The following NBEA variants were observed in gnomAD, a reference collection of about 807,000 sequenced individuals.
NBEA encodes neurobeachin, also known as lysosomal-trafficking regulator 2.
NBEA carries 44 observed loss-of-function variants against 343.4 expected under a neutral mutation model. The observed-to-expected ratio is 0.13, with a 90% CI of 0.10 to 0.16. NBEA has a LOEUF of 0.16. NBEA is among the 10% of genes least tolerant of loss of function. NBEA has a pLI of 1.00. For missense variants in NBEA, 2,555 were observed against 3,631.3 expected (o/e 0.70, Z 7.62); for synonymous variants, 1,175 against 1,238.7 (o/e 0.95, Z 1.08).
intron 56 of NBEA, among the ~76,000 whole-genome samples, chr13:35,665,420 T>C (rs560308056): frequency 5.3e-4 from 80 of 152,212 alleles, no homozygotes; most frequent in African/African-American, 1.9e-3. Context: ...ACTGATAAAT[T>C]ACAGTGTATT....
chr13:35,543,356 A>G (rs2078917979), intron 41 of NBEA, among the ~76,000 whole-genome samples: 1 of 152,194 alleles, frequency 6.6e-6, no homozygotes. Flanking sequence ...AAGTTGTATT[A>G]TAGACAGTGT....
At chr13:35,549,258 A>G (rs1167373935) in intron 41 of NBEA, among the ~76,000 whole-genome samples, 1 of 152,240 alleles carries the variant, frequency 6.6e-6, no homozygotes, top group Non-Finnish European at 1.5e-5. Context: ...TATTTTATGT[A>G]TATTTCCTAG....
chr13:35,436,738 A>C (rs2045465499), intron 39 of NBEA, among the ~76,000 whole-genome samples: 1 of 152,086 alleles, frequency 6.6e-6, no homozygotes, highest in Non-Finnish European at 1.5e-5. Flanking sequence ...TCTGCTTTGA[A>C]AGTTAAGTGC....
chr13:35,631,034 C>G (rs1378308249), intron 49 of NBEA, among the ~76,000 whole-genome samples: 1 of 152,186 alleles, frequency 6.6e-6, no homozygotes, highest in African/African-American at 2.4e-5. Flanking sequence ...CAGTTCTGCA[C>G]TAACATTTAA....
At chr13:35,646,455 T>A in intron 51 of NBEA, 107 bp downstream of exon 51, 1 of 804,624 alleles carries the variant, frequency 1.2e-6, no homozygotes, top group Non-Finnish European at 2.0e-6. Flanking sequence ...CTTCTCGATT[T>A]ATTGGTTAAC....
chr13:35,264,017 A>C (rs1244573827), intron 34 of NBEA, among the ~76,000 whole-genome samples: 1 of 151,842 alleles, frequency 6.6e-6, no homozygotes, highest in Middle Eastern at 3.2e-3. Context: ...TTTACAAACC[A>C]TTAGCTAGAC....
Position 35,544,994 on chromosome 13 carries a change from A to G in NBEA, c.6586-5483A>G, listed in dbSNP as rs544845319. Among the ~76,000 whole-genome samples the G allele has an allele frequency of 3.3e-5, 5 of 152,330 alleles. No homozygotes were observed. The East Asian group carries it at 9.6e-4, about 29-fold the overall frequency. On this transcript the variant is annotated intron_variant, in intron 41 of 58. Transcript: ENST00000379939. Reference sequence around the variant, plus strand: ...AGCTTGGCTTAAGAAAGAAAACAAAACCACAAACCTCAAGTATACATGAAA... The same window carrying G: ...AGCTTGGCTTAAGAAAGAAAACAAAGCCACAAACCTCAAGTATACATGAAA...
intron 38 of NBEA, among the ~76,000 whole-genome samples, chr13:35,404,327 A>T (rs1388347993): frequency 2.0e-5 from 3 of 151,828 alleles, no homozygotes; most frequent in Non-Finnish European, 2.9e-5. Flanking sequence ...GGCACTATTC[A>T]TAATAGCAAA....
At chr13:35,270,612 T>C (rs1010941690) in intron 34 of NBEA, among the ~76,000 whole-genome samples, 2 of 152,132 alleles carry the variant, frequency 1.3e-5, no homozygotes, top group Non-Finnish European at 2.9e-5. Context: ...GGAGGAATGG[T>C]ACACGCCTGC....
intron 1 of NBEA, among the ~76,000 whole-genome samples, chr13:35,031,146 A>T (rs1406627224): frequency 3.3e-5 from 5 of 151,640 alleles, no homozygotes; most frequent in Non-Finnish European, 7.4e-5. Context: ...AAACCTCATT[A>T]TCGGCTTCTA....
intron 17 of NBEA, among the ~76,000 whole-genome samples, chr13:35,134,256 A>G (rs2067593063): frequency 6.6e-6 from 1 of 151,988 alleles, no homozygotes; most frequent in South Asian, 2.1e-4. Flanking sequence ...GATAATACAT[A>G]CAGATATAGA....
chr13:35,103,157 A>G (rs910934482), intron 11 of NBEA, among the ~76,000 whole-genome samples: 3 of 151,700 alleles, frequency 2.0e-5, no homozygotes, highest in African/African-American at 7.2e-5. Flanking sequence ...AATTTAGTCA[A>G]TTACATGGAT....
At chr13:35,480,585 G>T (rs972482662) in intron 41 of NBEA, among the ~76,000 whole-genome samples, 2 of 151,944 alleles carry the variant, frequency 1.3e-5, no homozygotes, top group African/African-American at 4.8e-5. Context: ...GAGATAAAAA[G>T]AATATGAAGT....
At chr13:35,608,053 A>AT (rs1407825358) in intron 48 of NBEA, among the ~76,000 whole-genome samples, 2 of 152,040 alleles carry the variant, frequency 1.3e-5, no homozygotes, top group African/African-American at 4.8e-5. Flanking sequence ...TCAGTCACAC[A>AT]TTTTCTTCTA....
At chr13:35,471,319 C>T (rs556080485) in intron 40 of NBEA, among the ~76,000 whole-genome samples, 2 of 152,086 alleles carry the variant, frequency 1.3e-5, no homozygotes, top group Non-Finnish European at 2.9e-5. Flanking sequence ...GCTCTCCGCC[C>T]GGAGGGCCGA....
chr13:35,519,575 C>T (rs1293262534), intron 41 of NBEA, among the ~76,000 whole-genome samples: 2 of 151,994 alleles, frequency 1.3e-5, no homozygotes, highest in Non-Finnish European at 2.9e-5. Context: ...AAATAGCATT[C>T]AGTGTAATGT....
chr13:35,571,665 C>T (rs555139815), intron 45 of NBEA, among the ~76,000 whole-genome samples: 136 of 152,126 alleles, frequency 8.9e-4, no homozygotes, highest in African/African-American at 3.2e-3. Context: ...GTATGATTGA[C>T]AAAAACCTAC....
intron 48 of NBEA, among the ~76,000 whole-genome samples, chr13:35,623,372 C>T (rs2083079028): frequency 6.6e-6 from 1 of 152,064 alleles, no homozygotes; most frequent in Non-Finnish European, 1.5e-5. Flanking sequence ...TTATTGATAG[C>T]TAATGTTCCA....
At chr13:35,195,036 G>T (rs577141581) in intron 30 of NBEA, among the ~76,000 whole-genome samples, 2 of 151,960 alleles carry the variant, frequency 1.3e-5, no homozygotes, top group African/African-American at 2.4e-5. Flanking sequence ...TTTGCATTTT[G>T]CAAGTGTGTC....
Sources: gnomAD v4.1 joint callset for allele counts (sites outside exome capture counted in the v4.1 genomes callset) on GRCh38, gnomAD v4.1.1 for gene constraint, MANE v1.5 for transcripts, NCBI Gene and HGNC (gene_info 2026-07-23, HGNC 2026-07-21) for gene names.